DOT1L: variants seen among roughly 807,000 people sequenced by gnomAD.
DOT1L encodes histone-lysine N-methyltransferase, H3 lysine-79 specific.
Under a neutral mutation model 153.3 loss-of-function variants are expected in DOT1L, and 33 were observed. The observed-to-expected ratio is 0.22, with a 90% CI of 0.16 to 0.29. DOT1L has a LOEUF of 0.29. Ranked by LOEUF, DOT1L falls within the 10% of genes least tolerant of loss-of-function variation. The pLI, the probability that DOT1L is intolerant of heterozygous loss-of-function variation, is 1.00. For synonymous variants in DOT1L, 1,135 were observed against 965.1 expected, an observed-to-expected ratio of 1.18 and a Z score of -3.26; for missense variants, 1,847 against 2,119.9, an observed-to-expected ratio of 0.87 and a Z score of 2.53.
rs1416456386 is a variant in DOT1L at position 2,199,895 on chromosome 19, C to T, written c.663C>T (p.Gly221=). 1.6e-5 allele frequency: 26 copies of T among 1,613,820 alleles called. No homozygotes were observed. Among genetic ancestry groups the T allele is most frequent in the Non-Finnish European group, 1.9e-5 (23 of 1,179,858 alleles). Residue 221 remains glycine, a synonymous_variant, in exon 8 of 28, where the codon GGC becomes GGT. Transcript: ENST00000398665. The part of the protein sequence containing the change: ...KKHAEYTLER[G]DFLSEEWRER... The stretch of plus-strand genomic sequence containing the variant: ...GTTTTCCCTTTCAGTTGGAGAGAGG[C>T]GATTTCCTCTCAGAAGAGTGGAGGG...
rs557586203 is a variant in DOT1L at position 2,166,514 on chromosome 19, C to T, written c.81+2249C>T. On this transcript the variant is annotated intron_variant, in intron 1 of 27. Coordinates refer to ENST00000398665, the MANE Select transcript of DOT1L (RefSeq NM_032482.3). The stretch of plus-strand genomic sequence containing the variant: ...GCATCGTCTGCCTCCCGGGTTCAAG[C>T]GATTCTCCTGCCTCAGCCTCCTGAG... 4.4e-5 allele frequency among the ~76,000 whole-genome samples: 6 copies of T among 136,202 alleles called. No homozygotes were observed. In the East Asian group the frequency reaches 6.1e-4, roughly 14 times the overall value. 89.4% of individuals were successfully genotyped at this position (136,202 alleles called of 152,430 possible).
intron 16 of DOT1L, chr19:2,213,287 T>G (rs1172019762): frequency 2.3e-6 from 1 of 437,310 alleles, no homozygotes; most frequent in African/African-American, 2.0e-5. Context: ...CTGCCCTGGC[T>G]GAGTCCAGGT....
chr19:2,227,908 C>T (rs995834299), intron 27 of DOT1L: 2 of 1,201,820 alleles, frequency 1.7e-6, no homozygotes, highest in Non-Finnish European at 2.1e-6. Flanking sequence ...CGGCCGCCCC[C>T]TCCGCCTCCG....
intron 1 of DOT1L, among the ~76,000 whole-genome samples, chr19:2,165,908 A>C (rs1414592451): frequency 6.6e-6 from 1 of 151,176 alleles, no homozygotes. Context: ...AGCTAGGACT[A>C]TAGGCGCCCG....
rs369403275 is a variant in DOT1L, at chr19:2,211,190, G to A, written c.1443G>A (p.Pro481=). The A allele has an allele frequency of 4.5e-5, 72 of 1,610,514 alleles. No homozygotes were observed. The African/African-American group carries it at 7.5e-4, about 17-fold the overall frequency. ...SPNPLLVAPT[P]PALQKLLESF... ...ACCCGCTGCTGGTGGCGCCCACCCC[G>A]CCCGCGCTGCAGAAGCTTCTAGGTG... Residue 481 remains proline, a synonymous_variant, in exon 15 of 28, where the codon CCG becomes CCA. Transcript: ENST00000398665.
intron 25 of DOT1L, among the ~76,000 whole-genome samples, chr19:2,224,544 T>C (rs916101020): frequency 6.6e-6 from 1 of 150,580 alleles, no homozygotes; most frequent in Non-Finnish European, 1.5e-5. Context: ...CTCGGCTCAC[T>C]GACCCTCCGC....
At position 2,230,030 on chromosome 19, in the gene DOT1L, C is replaced by G. The variant is rs1196590568; in HGVS notation, c.*238C>G. 4 of 663,332 alleles carry G rather than the reference C, an allele frequency of 6.0e-6. No homozygotes were observed. Among genetic ancestry groups the G allele is most frequent in the Non-Finnish European group, 1.0e-5 (4 of 400,138 alleles). The allele number at this position is 663,332 out of a possible 1,614,324, so 41.1% of individuals were successfully genotyped here. On this transcript the variant is annotated 3_prime_UTR_variant, in exon 28 of 28. Transcript: ENST00000398665. ...TTTTAAAAAGTATAAACAATTCTGA[C>G]TTATTTTATTCCATCTAAGTGGTAA...
rs1161887137 is a variant in DOT1L, at chr19:2,164,051, G to C, written c.-134G>C. The stretch of plus-strand genomic sequence containing the variant: ...GGAGCGCGGCGGCGGCGGCGGCGGC[G>C]GCCGAGGCCGAGGCCAGGCCCCCTC... On this transcript the variant is annotated 5_prime_UTR_variant, in exon 1 of 28. Transcript: ENST00000398665. 1 of 484,750 alleles carries C rather than the reference G, an allele frequency of 2.1e-6. No individual in the cohort carries two copies. The highest frequency in any genetic ancestry group is 2.1e-5 in the African/African-American group (1 of 47,476). The allele number at this position is 484,750 out of a possible 1,614,324, so 30.0% of individuals were successfully genotyped here.
At position 2,231,990 on chromosome 19, in the gene DOT1L, C is replaced by T. The variant is rs60547443; in HGVS notation, c.*2198C>T. The T allele has an allele frequency of 4.1e-3, 863 of 209,870 alleles. 7 individuals carry two copies. Among genetic ancestry groups the T allele is most frequent in the African/African-American group, 0.017 (760 of 44,086 alleles). 13.0% of individuals were successfully genotyped at this position (209,870 alleles called of 1,614,324 possible). On this transcript the variant is annotated 3_prime_UTR_variant, in exon 28 of 28. Transcript: ENST00000398665. ...TAGTGTGGTGGCTGCCTGCGGACAC[C>T]CTCCTGTTCTGAGCCCTGGGCCTGT...
At chr19:2,227,441 T>G in intron 27 of DOT1L, 1 of 592,794 alleles carries the variant, frequency 1.7e-6, no homozygotes. Flanking sequence ...GCCCGGGCTC[T>G]GGCAAGGCTC....
Position 2,211,803 on chromosome 19 carries a change from G to A in DOT1L, c.1518G>A (p.Gln506=). The A allele has an allele frequency of 6.4e-7, 1 of 1,574,722 alleles. No individual in the cohort carries two copies. The highest frequency in any genetic ancestry group is 8.6e-7 in the Non-Finnish European group (1 of 1,159,820). ...TCCTGGCATACACAAAGACCCCCCAGTACAAGGCCAGCCTGCAGGAGCTGC... is the reference window on the plus strand; with the variant it reads ...TCCTGGCATACACAAAGACCCCCCAATACAAGGCCAGCCTGCAGGAGCTGC... ...LQFLAYTKTP[Q]YKASLQELLG... The change falls in exon 16 of 28, where the codon CAG becomes CAA. Residue 506 remains glutamine, a synonymous_variant. Transcript: ENST00000398665.
intron 1 of DOT1L, among the ~76,000 whole-genome samples, chr19:2,176,127 C>T (rs750230177): frequency 6.6e-6 from 1 of 152,186 alleles, no homozygotes; most frequent in Non-Finnish European, 1.5e-5. Context: ...CCTCCAGGCC[C>T]TGCACACCCA....
intron 8 of DOT1L, among the ~76,000 whole-genome samples, chr19:2,201,764 C>T (rs897303359): frequency 6.6e-5 from 10 of 152,224 alleles, no homozygotes; most frequent in Admixed American, 2.0e-4. Flanking sequence ...CATCTGGGCT[C>T]GGCCCAGGCT....
intron 1 of DOT1L, among the ~76,000 whole-genome samples, chr19:2,167,525 G>C (rs2019970863): frequency 6.6e-6 from 1 of 152,340 alleles, no homozygotes; most frequent in Admixed American, 6.5e-5. Context: ...GCCAGGCCCT[G>C]GCTTGGCAGG....
At chr19:2,225,542 G>A (rs1568370683) in intron 26 of DOT1L, 90 bp downstream of exon 26, 3 of 1,365,894 alleles carry the variant, frequency 2.2e-6, no homozygotes, top group Non-Finnish European at 3.1e-6. Context: ...CTGGCCCGCT[G>A]CATCGTGTCC....
chr19:2,180,727 T>C lies in DOT1L; in HGVS notation c.96T>C (p.Asp32=). 6.2e-7 allele frequency: 1 copy of C among 1,614,106 alleles called. No individual in the cohort carries two copies. The highest frequency in any genetic ancestry group is 8.5e-7 in the Non-Finnish European group (1 of 1,180,008). The part of the protein sequence containing the change: ...WPLPVYDKHH[D]AAHEIIETIR... ...CTCTGTTTCAGGATAAACATCACGA[T>C]GCTGCTCATGAAATCATCGAGACCA... Residue 32 remains aspartate, a synonymous_variant, in exon 2 of 28, where the codon GAT becomes GAC. Coordinates refer to ENST00000398665, the MANE Select transcript of DOT1L (RefSeq NM_032482.3).
chr19:2,219,295 C>T (rs2024025110), intron 22 of DOT1L, among the ~76,000 whole-genome samples: 1 of 152,198 alleles, frequency 6.6e-6, no homozygotes, highest in Admixed American at 6.5e-5. Context: ...AGTGTCAGCC[C>T]CCGTGCCCGG....
At position 2,210,726 on chromosome 19, in the gene DOT1L, G is replaced by A. The variant is rs2144831987; in HGVS notation, c.1222G>A (p.Gly408Ser). 6.2e-7 allele frequency: 1 copy of A among 1,613,144 alleles called. No individual in the cohort carries two copies. Among genetic ancestry groups the A allele is most frequent in the Non-Finnish European group, 8.5e-7 (1 of 1,180,002 alleles). The change falls in exon 14 of 28, where the codon GGC becomes AGC. Residue 408 changes from glycine to serine, a missense_variant. Gly to Ser is a moderately conservative substitution (Grantham distance 56). Coordinates refer to ENST00000398665, the MANE Select transcript of DOT1L (RefSeq NM_032482.3). ...AAACAAGAAGGGGAGGAAGATGGCTGGCCGCAAGCGCGGGCGCCCCAAGAA... is the reference window on the plus strand; with the variant it reads ...AAACAAGAAGGGGAGGAAGATGGCTAGCCGCAAGCGCGGGCGCCCCAAGAA... Reference protein sequence around the residue: ...KLNKKGRKMAGRKRGRPKKMN... With the variant: ...KLNKKGRKMASRKRGRPKKMN...
At chr19:2,188,488 C>CG (rs913608752) in intron 3 of DOT1L, among the ~76,000 whole-genome samples, 1 of 127,540 alleles carries the variant, frequency 7.8e-6, no homozygotes, top group African/African-American at 3.1e-5. Context: ...CCGCCCCCCC[C>CG]CCCCCCACCC....
Sources: gnomAD v4.1 joint callset for allele counts (sites outside exome capture counted in the v4.1 genomes callset) on GRCh38, gnomAD v4.1.1 for gene constraint, MANE v1.5 for transcripts, NCBI Gene and HGNC (gene_info 2026-07-23, HGNC 2026-07-21) for gene names.